ASIC2: variants seen among roughly 807,000 people sequenced by gnomAD.
ASIC2 encodes the protein acid sensing ion channel subunit 2, also known as acid-sensing ion channel 2.
ASIC2 carries 25 observed loss-of-function variants against 57.3 expected under a neutral mutation model. That is an observed-to-expected ratio of 0.44 (90% CI 0.32 to 0.61). The LOEUF (loss-of-function observed/expected upper bound fraction) is 0.61. ASIC2 is among the 20% of genes least tolerant of loss of function. The probability of loss-of-function intolerance (pLI) is 0.06; values close to 1 mark genes in which losing one functional copy is unlikely to be tolerated. For missense variants in ASIC2, 641 were observed against 738.1 expected, an observed-to-expected ratio of 0.87 and a Z score of 1.52; for synonymous variants, 319 against 307.5, an observed-to-expected ratio of 1.04 and a Z score of -0.39.
intron 1 of ASIC2, among the ~76,000 whole-genome samples, chr17:34,109,889 T>C (rs554549462): frequency 6.7e-4 from 102 of 152,292 alleles, no homozygotes; most frequent in African/African-American, 2.4e-3. Flanking sequence ...TCTTTATCTA[T>C]CTATCGTGAT....
chr17:33,531,563 G>A (rs1408255832), intron 1 of ASIC2, among the ~76,000 whole-genome samples: 1 of 152,184 alleles, frequency 6.6e-6, no homozygotes, highest in Admixed American at 6.5e-5. Context: ...TGGGGTTGGT[G>A]TTCCTGGAGT....
chr17:34,085,744 A>G (rs941321898), intron 1 of ASIC2, among the ~76,000 whole-genome samples: 16 of 152,084 alleles, frequency 1.1e-4, no homozygotes, highest in East Asian at 3.9e-4. Flanking sequence ...CAGAGATTCA[A>G]CTTCTTCCTG....
At chr17:33,659,591 C>G (rs538496266) in intron 1 of ASIC2, among the ~76,000 whole-genome samples, 1 of 152,078 alleles carries the variant, frequency 6.6e-6, no homozygotes, top group East Asian at 1.9e-4. Context: ...ATACACCTGG[C>G]GGGGCGCGGT....
Position 33,869,947 on chromosome 17 carries a change from T to C in ASIC2, c.555+286031A>G, listed in dbSNP as rs183877416. ...ACTGAAAAACAAACAAAACACCAGA[T>C]GGCAGGCTGTATTTGGCCCAATGGC... On this transcript the variant is annotated intron_variant, in intron 1 of 9. Coordinates refer to the ASIC2 transcript ENST00000359872. Among the ~76,000 whole-genome samples the C allele has an allele frequency of 1.7e-3, 266 of 152,332 alleles. 2 individuals are homozygous for C. The highest frequency in any genetic ancestry group is 7.9e-3 in the South Asian group (38 of 4,828).
At chr17:33,456,893 T>G (rs966273147) in intron 1 of ASIC2, among the ~76,000 whole-genome samples, 55 of 152,218 alleles carry the variant, frequency 3.6e-4, no homozygotes, top group Admixed American at 1.1e-3. Flanking sequence ...ACTCAACAAC[T>G]GTCAGATTGA....
At position 33,650,686 on chromosome 17, in the gene ASIC2, G is replaced by A. The variant is rs148504592; in HGVS notation, c.555+505292C>T. 3.3e-5 allele frequency among the ~76,000 whole-genome samples: 5 copies of A among 152,246 alleles called. No individual in the cohort carries two copies. The East Asian group carries it at 9.6e-4, about 29-fold the overall frequency. The stretch of plus-strand genomic sequence containing the variant: ...GATGTACAAACAACCTGGATGAATT[G>A]CCTGAGATTTATGCTGAGTGGAAAA... On this transcript the variant is annotated intron_variant, in intron 1 of 9. Coordinates refer to the ASIC2 transcript ENST00000359872.
At chr17:33,547,392 G>A (rs1232723295) in intron 1 of ASIC2, among the ~76,000 whole-genome samples, 1 of 152,116 alleles carries the variant, frequency 6.6e-6, no homozygotes, top group Admixed American at 6.6e-5. Context: ...ATCCTTCAAA[G>A]CACTATCCCA....
chr17:33,092,647 T>C (rs1598271401), intron 2 of ASIC2, among the ~76,000 whole-genome samples: 1 of 152,198 alleles, frequency 6.6e-6, no homozygotes, highest in African/African-American at 2.4e-5. Context: ...TTGCCCAAGG[T>C]CAGACAGCAA....
chr17:33,665,114 C>T (rs1050815848), intron 1 of ASIC2, among the ~76,000 whole-genome samples: 3 of 152,168 alleles, frequency 2.0e-5, no homozygotes, highest in Non-Finnish European at 4.4e-5. Context: ...CACGATTCCT[C>T]AATTTCTGGG....
At chr17:33,431,363 T>A (rs139478786) in intron 1 of ASIC2, among the ~76,000 whole-genome samples, 2,984 of 152,100 alleles carry the variant, frequency 0.02, 33 homozygotes, top group Middle Eastern at 0.061. Context: ...TCCCAGCACT[T>A]TGAGAGGTCG....
chr17:33,109,467 C>G (rs1480619166), intron 2 of ASIC2, among the ~76,000 whole-genome samples: 1 of 152,164 alleles, frequency 6.6e-6, no homozygotes, highest in African/African-American at 2.4e-5. Context: ...AGCCTGCTTC[C>G]CCAACTCCCC....
intron 1 of ASIC2, among the ~76,000 whole-genome samples, chr17:33,522,294 T>C (rs1040723780): frequency 4.6e-5 from 7 of 152,338 alleles, no homozygotes; most frequent in African/African-American, 1.7e-4. Context: ...CAATGAATTA[T>C]TTCCCCCGTT....
chr17:33,659,299 C>T (rs924096208), intron 1 of ASIC2, among the ~76,000 whole-genome samples: 6 of 151,988 alleles, frequency 3.9e-5, no homozygotes, highest in African/African-American at 7.3e-5. Flanking sequence ...CTTCTTAGTA[C>T]AGTCCTGAGC....
At chr17:33,510,981 T>A (rs1914413764) in intron 1 of ASIC2, among the ~76,000 whole-genome samples, 1 of 152,248 alleles carries the variant, frequency 6.6e-6, no homozygotes, top group Non-Finnish European at 1.5e-5. Flanking sequence ...CTTGCTTAGA[T>A]GACTGTATTA....
intron 1 of ASIC2, among the ~76,000 whole-genome samples, chr17:33,393,352 C>T (rs560449555): frequency 2.6e-5 from 4 of 152,146 alleles, no homozygotes; most frequent in African/African-American, 7.2e-5. Context: ...TCCATGTCAT[C>T]GCTCATGCTT....
At chr17:33,533,675 T>G (rs1175209674) in intron 1 of ASIC2, 3 of 152,234 alleles carry the variant, frequency 2.0e-5, no homozygotes, top group Admixed American at 2.0e-4. Flanking sequence ...GTAGGAGACC[T>G]GGGGAATCAC....
chr17:33,031,634 C>T (rs182885465), intron 3 of ASIC2, among the ~76,000 whole-genome samples: 2 of 152,092 alleles, frequency 1.3e-5, no homozygotes, highest in African/African-American at 4.8e-5. Flanking sequence ...TATTGTTGCT[C>T]GGATCTTCTA....
At chr17:33,580,696 C>G (rs950739571) in intron 1 of ASIC2, among the ~76,000 whole-genome samples, 2 of 152,102 alleles carry the variant, frequency 1.3e-5, no homozygotes, top group African/African-American at 4.8e-5. Flanking sequence ...CCTGGGGTCC[C>G]CAGGTACTTC....
intron 1 of ASIC2, among the ~76,000 whole-genome samples, chr17:33,700,644 G>A (rs181085184): frequency 1.3e-5 from 2 of 152,344 alleles, no homozygotes; most frequent in Non-Finnish European, 2.9e-5. Context: ...AAGCTGGCAC[G>A]TAGTAAGCAA....
Sources: gnomAD v4.1 joint callset for allele counts (sites outside exome capture counted in the v4.1 genomes callset) on GRCh38, gnomAD v4.1.1 for gene constraint, MANE v1.5 for transcripts, NCBI Gene and HGNC (gene_info 2026-07-23, HGNC 2026-07-21) for gene names.